EVL: variants seen among roughly 807,000 people sequenced by gnomAD.
The protein encoded by EVL is Enah/Vasp-like.
A neutral mutation model predicts 59.6 loss-of-function variants in EVL; 21 were observed. That is an observed-to-expected ratio of 0.35 (90% CI 0.25 to 0.51). EVL has a LOEUF of 0.51. Among genes scored for constraint, EVL ranks in the 20% least tolerant of loss-of-function variants. The probability of loss-of-function intolerance (pLI) is 0.97; values close to 1 mark genes in which losing one functional copy is unlikely to be tolerated. For synonymous variants in EVL, 198 were observed against 203.5 expected (o/e 0.97, Z 0.23); for missense variants, 462 against 546.6 (o/e 0.85, Z 1.54).
rs912899379 is a variant in EVL, at chr14:99,979,805, C to T, written c.5+7748C>T. The stretch of plus-strand genomic sequence containing the variant: ...AATGGTGCGAACCCGGGAGGCAGAG[C>T]TTGCAGTGAGCCAAGATCGTGCCAC... On this transcript the variant is annotated intron_variant, in intron 1 of 13. Transcript: ENST00000402714. Among the ~76,000 whole-genome samples the T allele has an allele frequency of 3.9e-5, 6 of 152,298 alleles. No individual in the cohort carries two copies. In the East Asian group the frequency reaches 1.2e-3, roughly 29 times the overall value.
intron 1 of EVL, among the ~76,000 whole-genome samples, chr14:100,001,965 A>G (rs2060948827): frequency 6.6e-6 from 1 of 152,240 alleles, no homozygotes; most frequent in Non-Finnish European, 1.5e-5. Context: ...GAATACTCAC[A>G]GATAGTTTCC....
intron 3 of EVL, chr14:100,102,457 G>C: frequency 4.5e-6 from 2 of 442,528 alleles, no homozygotes; most frequent in Admixed American, 4.8e-5. Context: ...TACATTTTAG[G>C]AGTTGTTATT....
intron 1 of EVL, among the ~76,000 whole-genome samples, chr14:100,018,020 A>C (rs962451208): frequency 6.6e-6 from 1 of 152,276 alleles, no homozygotes; most frequent in African/African-American, 2.4e-5. Context: ...AAGCTGAGGC[A>C]AAAGAGGTTC....
At chr14:100,062,595 C>T (rs909503430), upstream of EVL, among the ~76,000 whole-genome samples, 4 of 152,080 alleles carry the variant, frequency 2.6e-5, no homozygotes, top group African/African-American at 9.7e-5. Context: ...TATCCATCTA[C>T]ATCAATAAAC....
intron 1 of EVL, among the ~76,000 whole-genome samples, chr14:100,009,345 C>T (rs1405478527): frequency 1.3e-5 from 2 of 152,204 alleles, no homozygotes; most frequent in African/African-American, 2.4e-5. Flanking sequence ...AAAATGTCTT[C>T]CATCTTGCCT....
chr14:100,019,473 C>T (rs781369832), intron 1 of EVL: 3 of 538,040 alleles, frequency 5.6e-6, no homozygotes, highest in South Asian at 2.8e-5. Context: ...TGTTAGCTGC[C>T]GCTTGTCAGC....
chr14:100,107,909 G>A (rs904626591), intron 3 of EVL: 1 of 152,116 alleles, frequency 6.6e-6, no homozygotes, highest in Non-Finnish European at 1.5e-5. Flanking sequence ...GGACTCTGAA[G>A]AAAAGAAAAA....
At chr14:100,046,835 C>T (rs1401602849) in intron 1 of EVL, among the ~76,000 whole-genome samples, 1 of 150,308 alleles carries the variant, frequency 6.7e-6, no homozygotes, top group African/African-American at 2.4e-5. Context: ...TCACTGCAAC[C>T]TCCGCCTCCT....
chr14:100,021,775 CA>C (rs937610806), intron 1 of EVL, among the ~76,000 whole-genome samples: 1 of 152,114 alleles, frequency 6.6e-6, no homozygotes, highest in Non-Finnish European at 1.5e-5. Context: ...TTAGGAAAAG[CA>C]GAAGATTACC....
At chr14:100,106,814 C>T in intron 3 of EVL, 1 of 398,616 alleles carries the variant, frequency 2.5e-6, no homozygotes, top group Admixed American at 4.4e-5. Context: ...CAGTGTCTGT[C>T]TCATTTCACA....
intron 1 of EVL, among the ~76,000 whole-genome samples, chr14:100,052,410 C>T (rs955301067): frequency 2.6e-5 from 4 of 152,090 alleles, no homozygotes; most frequent in Non-Finnish European, 5.9e-5. Flanking sequence ...TACATCTTTT[C>T]GCAACCATTT....
intron 1 of EVL, among the ~76,000 whole-genome samples, chr14:100,014,652 G>A (rs550100620): frequency 1.3e-5 from 2 of 152,228 alleles, no homozygotes; most frequent in African/African-American, 4.8e-5. Context: ...ATATCTAGCA[G>A]TGGAATTGCT....
In EVL at chr14:100,087,884, G is replaced by T. The variant is rs141024846; in HGVS notation, c.180+3029G>T. Among the ~76,000 whole-genome samples, 522 of 152,276 alleles carry T rather than the reference G, an allele frequency of 3.4e-3. 4 individuals carry two copies. The highest frequency in any genetic ancestry group is 0.012 in the African/African-American group (509 of 41,562). On this transcript the variant is annotated intron_variant, in intron 2 of 13. Coordinates refer to ENST00000392920, the MANE Select transcript of EVL (RefSeq NM_016337.3). ...AAGAAGGGCATCCAAACTGGTGAAA[G>T]ATCTGAAAGCGGGATAATATGGGGA... is the stretch of plus-strand genomic sequence containing the variant.
intron 3 of EVL, chr14:100,107,509 A>G (rs1051563436): frequency 2.6e-6 from 1 of 391,146 alleles, no homozygotes; most frequent in Non-Finnish European, 4.5e-6. Flanking sequence ...GAGCAGAACC[A>G]TGGCCACGCC....
intron 7 of EVL, among the ~76,000 whole-genome samples, chr14:100,131,818 T>C (rs1425493151): frequency 6.6e-6 from 1 of 152,082 alleles, no homozygotes; most frequent in Non-Finnish European, 1.5e-5. Context: ...AAGAAGCTGG[T>C]GTCAGGGATG....
In EVL at chr14:100,109,443, G is replaced by A; in HGVS notation, c.358+11785G>A. 2.6e-6 allele frequency: 1 copy of A among 390,504 alleles called. No homozygotes were observed. The highest frequency in any genetic ancestry group is 5.2e-6 in the Non-Finnish European group (1 of 194,168). The allele number at this position is 390,504 out of a possible 1,614,324, so 24.2% of individuals were successfully genotyped here. ...GACCCTGGGTTTGTTTGTCTAGACT[G>A]TGAGCTCCTCGAGGGCAGGTGTCTG... On this transcript the variant is annotated intron_variant, in intron 3 of 13. Transcript: ENST00000392920. This position sits in a 1 kb window ranked among gnomAD's most constrained non-coding sequence, Gnocchi z 4.3.
At chr14:99,996,037 T>G (rs1273610648) in intron 1 of EVL, among the ~76,000 whole-genome samples, 4 of 152,140 alleles carry the variant, frequency 2.6e-5, no homozygotes, top group Non-Finnish European at 5.9e-5. Flanking sequence ...CTGTCTTAGA[T>G]TCAGTTAAGA....
chr14:100,038,771 G>GGTGTGTGTGTGTGTGTGT (rs61309441), intron 1 of EVL, among the ~76,000 whole-genome samples: 6,102 of 140,902 alleles, frequency 0.043, 205 homozygotes, highest in Non-Finnish European at 0.062. Context: ...TGTGCCCTGG[G>GGTGTGTGTGTGTGTGTGT]GTGTGTGTGT....
At chr14:100,026,329 T>C (rs1175687038) in intron 1 of EVL, among the ~76,000 whole-genome samples, 1 of 146,446 alleles carries the variant, frequency 6.8e-6, no homozygotes, top group Non-Finnish European at 1.5e-5. Flanking sequence ...ATGAAAGAAA[T>C]GAGAACAGAC....
Sources: gnomAD v4.1 joint callset for allele counts (sites outside exome capture counted in the v4.1 genomes callset) on GRCh38, gnomAD v4.1.1 for gene constraint, Gnocchi (gnomAD v3.1) non-coding constraint, MANE v1.5 for transcripts, NCBI Gene and HGNC (gene_info 2026-07-23, HGNC 2026-07-21) for gene names.